Variants in MAGI2 observed in about 807,000 individuals in gnomAD.
The protein encoded by MAGI2 is membrane-associated guanylate kinase, WW and PDZ domain-containing protein 2.
In MAGI2, 35 loss-of-function variants were observed where a neutral mutation model predicts 133.3. The observed-to-expected ratio is 0.26, with a 90% confidence interval of 0.20 to 0.35. The LOEUF is 0.35. Among genes scored for constraint, MAGI2 ranks in the 10% least tolerant of loss-of-function variants. The pLI is 1.00. For synonymous variants in MAGI2, 729 were observed against 710.6 expected (o/e 1.03, Z -0.41); for missense variants, 1,636 against 1,863.4 (o/e 0.88, Z 2.25).
At chr7:78,363,514 A>G (rs201191871) in intron 7 of MAGI2, among the ~76,000 whole-genome samples, 160 of 33,622 alleles carry the variant, frequency 4.8e-3, no homozygotes, top group Non-Finnish European at 0.011. Context: ...TAATAATGAT[A>G]ATAATAATAA....
intron 1 of MAGI2, among the ~76,000 whole-genome samples, chr7:79,339,021 T>C (rs6951423): frequency 1 from 151,619 of 152,222 alleles, 75,516 homozygotes; most frequent in Middle Eastern, 1. Context: ...AACTTGGCGG[T>C]CATACTTTCA....
chr7:78,627,216 C>A lies in MAGI2; in HGVS notation c.442G>T (p.Gly148Cys). The A allele has an allele frequency of 6.3e-7, 1 of 1,577,406 alleles. No individual in the cohort carries two copies. The highest frequency in any genetic ancestry group is 1.2e-5 in the South Asian group (1 of 85,568). The change falls in exon 3 of 22, where the codon GGT (glycine) becomes TGT (cysteine). Residue 148 changes from glycine (G) to cysteine (C), a missense_variant. Physicochemically the swap from Gly to Cys is radical, Grantham distance 159 (BLOSUM62 -3). Around this residue, in one of 5 missense-constraint regions of MAGI2, gnomAD observed 148 missense variants for 239.0 expected, o/e 0.62. Transcript: ENST00000354212. Reference sequence around the variant, plus strand: ...ATATAATCCACTCCAGGGACCTCACCCTCCTTATGTGGCCTTGTGGTGCCT... The same window carrying A: ...ATATAATCCACTCCAGGGACCTCACACTCCTTATGTGGCCTTGTGGTGCCT... The part of the protein sequence containing the change: ...VPCTTRPHKE[G>C]EVPGVDYIFI...
At chr7:78,430,325 A>T (rs1346799962) in intron 6 of MAGI2, among the ~76,000 whole-genome samples, 2 of 148,112 alleles carry the variant, frequency 1.4e-5, no homozygotes, top group Non-Finnish European at 3.0e-5. Context: ...GCCTGCATGT[A>T]AATATGCATA....
intron 2 of MAGI2, among the ~76,000 whole-genome samples, chr7:78,981,898 AC>A (rs1383181142): frequency 1.2e-4 from 18 of 151,902 alleles, no homozygotes; most frequent in Admixed American, 1.2e-3. Context: ...AGAGCCTCAG[AC>A]CAAGACGATA....
intron 1 of MAGI2, among the ~76,000 whole-genome samples, chr7:79,323,476 G>A (rs1402569857): frequency 6.6e-6 from 1 of 152,100 alleles, no homozygotes; most frequent in African/African-American, 2.4e-5. Context: ...GCCGGCAGTG[G>A]GTGTGAAGAC....
intron 2 of MAGI2, among the ~76,000 whole-genome samples, chr7:78,789,529 AT>A (rs67797536): frequency 0.35 from 52,972 of 151,652 alleles, 9,460 homozygotes; most frequent in East Asian, 0.52. Flanking sequence ...TCTCATTTTT[AT>A]TTTTTTCTTT....
intron 1 of MAGI2, among the ~76,000 whole-genome samples, chr7:79,062,812 T>C (rs1223160504): frequency 6.6e-6 from 1 of 152,064 alleles, no homozygotes; most frequent in Non-Finnish European, 1.5e-5. Context: ...GAATGATGAG[T>C]GCAATGAGGA....
intron 2 of MAGI2, among the ~76,000 whole-genome samples, chr7:78,827,506 G>A (rs910968021): frequency 6.6e-6 from 1 of 152,048 alleles, no homozygotes; most frequent in Non-Finnish European, 1.5e-5. Flanking sequence ...TGAACTCCTG[G>A]ACTTAAGCAA....
At chr7:78,798,297 C>T (rs1317607212) in intron 2 of MAGI2, among the ~76,000 whole-genome samples, 1 of 152,006 alleles carries the variant, frequency 6.6e-6, no homozygotes, top group South Asian at 2.1e-4. Flanking sequence ...ATCAAGCCTG[C>T]ATTACAAATG....
At chr7:78,431,577 G>T (rs1331892323) in intron 6 of MAGI2, among the ~76,000 whole-genome samples, 2 of 152,086 alleles carry the variant, frequency 1.3e-5, no homozygotes, top group African/African-American at 2.4e-5. Context: ...TCAAAAGCAA[G>T]AGAAACATAG....
intron 9 of MAGI2, among the ~76,000 whole-genome samples, chr7:78,311,400 A>G (rs1487376633): frequency 6.6e-6 from 1 of 152,256 alleles, no homozygotes; most frequent in East Asian, 1.9e-4. Context: ...CAATGACTCG[A>G]AGTCTCTGCA....
chr7:78,145,448 A>T (rs1823204183), intron 16 of MAGI2, among the ~76,000 whole-genome samples: 1 of 151,904 alleles, frequency 6.6e-6, no homozygotes, highest in Admixed American at 6.6e-5. Flanking sequence ...TTTCTTTGAT[A>T]ATTTCCATTC....
intron 1 of MAGI2, among the ~76,000 whole-genome samples, chr7:79,118,996 T>G (rs1287650490): frequency 1.3e-5 from 2 of 152,178 alleles, no homozygotes; most frequent in Non-Finnish European, 2.9e-5. Context: ...TGAAATGATG[T>G]ATTCTCCTGG....
chr7:78,807,344 T>C (rs539254605), intron 2 of MAGI2, among the ~76,000 whole-genome samples: 2 of 152,304 alleles, frequency 1.3e-5, no homozygotes, highest in East Asian at 3.9e-4. Flanking sequence ...ATATATTTTA[T>C]GAAAATTTAA....
chr7:79,117,766 A>G (rs1248732508), intron 1 of MAGI2, among the ~76,000 whole-genome samples: 3 of 152,214 alleles, frequency 2.0e-5, no homozygotes, highest in Non-Finnish European at 2.9e-5. Flanking sequence ...ATATATAGCT[A>G]AAAAGCTTCT....
chr7:79,052,293 G>A (rs1812746412), intron 1 of MAGI2, among the ~76,000 whole-genome samples: 1 of 152,132 alleles, frequency 6.6e-6, no homozygotes, highest in Non-Finnish European at 1.5e-5. Flanking sequence ...CCCAATAATC[G>A]GGACTGATTA....
intron 1 of MAGI2, among the ~76,000 whole-genome samples, chr7:79,408,802 T>C (rs1178358832): frequency 6.6e-6 from 1 of 152,136 alleles, no homozygotes; most frequent in Non-Finnish European, 1.5e-5. Flanking sequence ...GTTATTCATA[T>C]AAGGGTTTAA....
chr7:79,019,272 C>T (rs867555778), intron 1 of MAGI2, among the ~76,000 whole-genome samples: 3 of 152,152 alleles, frequency 2.0e-5, no homozygotes, highest in Non-Finnish European at 4.4e-5. Flanking sequence ...GTGTCAAGGG[C>T]AGGACTGGGT....
chr7:79,114,701 T>C (rs981739324), intron 1 of MAGI2, among the ~76,000 whole-genome samples: 9 of 152,184 alleles, frequency 5.9e-5, no homozygotes, highest in Non-Finnish European at 1.3e-4. Flanking sequence ...CAGGTACTCA[T>C]GATACATACC....
Sources: allele counts gnomAD v4.1 joint callset (sites outside exome capture counted in the v4.1 genomes callset), GRCh38; gene constraint gnomAD v4.1.1; regional missense constraint gnomAD v4.1.1; transcripts MANE v1.5; gene names NCBI Gene and HGNC (gene_info 2026-07-23, HGNC 2026-07-21).